RHOU: variants seen among roughly 807,000 people sequenced by gnomAD.
The protein encoded by RHOU is rho-related GTP-binding protein RhoU.
A neutral mutation model predicts 12.6 loss-of-function variants in RHOU; 8 were observed. The ratio of observed to expected loss-of-function variants is 0.64; its 90% confidence interval spans 0.37 to 1.15. The LOEUF is 1.15. RHOU is among the 50% of genes most tolerant of loss of function. The pLI, the probability that RHOU is intolerant of heterozygous loss-of-function variation, is 0.01. For missense variants in RHOU, 258 were observed against 347.0 expected (o/e 0.74, Z 2.04); for synonymous variants, 161 against 147.4 (o/e 1.09, Z -0.67).
chr1:228,678,174 T>C, the RHOU span, among the ~76,000 whole-genome samples: 325 of 152,214 alleles, frequency 2.1e-3, 3 homozygotes, highest in Non-Finnish European at 5.9e-4. Context: ...TCCTTAAGGA[T>C]AGATTTCCAT....
the RHOU span, among the ~76,000 whole-genome samples, chr1:228,674,733 A>AT: frequency 3.8e-4 from 56 of 148,250 alleles, no homozygotes; most frequent in South Asian, 1.5e-3. Flanking sequence ...TTTTTTTTAA[A>AT]TTTTTTTTTA....
the RHOU span, among the ~76,000 whole-genome samples, chr1:228,683,217 A>G: frequency 6.6e-6 from 1 of 152,192 alleles, no homozygotes; most frequent in Admixed American, 6.5e-5. Context: ...TGACCTAATC[A>G]TGGTTTGAAG....
chr1:228,693,097 G>C, the RHOU span, among the ~76,000 whole-genome samples: 1 of 151,938 alleles, frequency 6.6e-6, no homozygotes, highest in Admixed American at 6.6e-5. Context: ...TATTCTCTTC[G>C]GTAATAATCC....
At chr1:228,707,980 A>C in the RHOU span, among the ~76,000 whole-genome samples, 1 of 152,224 alleles carries the variant, frequency 6.6e-6, no homozygotes, top group Non-Finnish European at 1.5e-5. Context: ...GATGGAGCTG[A>C]AAACCAAGGC....
chr1:228,684,483 C>G, the RHOU span, among the ~76,000 whole-genome samples: 2 of 149,996 alleles, frequency 1.3e-5, no homozygotes, highest in Non-Finnish European at 2.9e-5. Context: ...CGTGCACCAC[C>G]ATGCCCGGCT....
chr1:228,685,714 A>C, the RHOU span, among the ~76,000 whole-genome samples: 1 of 152,190 alleles, frequency 6.6e-6, no homozygotes, highest in Non-Finnish European at 1.5e-5. Context: ...ATATAGGTTA[A>C]ATGTATTTCT....
At chr1:228,726,763 G>T in the RHOU span, among the ~76,000 whole-genome samples, 1 of 152,142 alleles carries the variant, frequency 6.6e-6, no homozygotes, top group Non-Finnish European at 1.5e-5. Flanking sequence ...ATAAAATTGG[G>T]GAAATAATAG....
At chr1:228,647,632 G>C in the RHOU span, among the ~76,000 whole-genome samples, 1 of 152,212 alleles carries the variant, frequency 6.6e-6, no homozygotes, top group Non-Finnish European at 1.5e-5. Flanking sequence ...TTGCCTGGTG[G>C]ATCCGGGAGC....
Position 228,737,464 on chromosome 1 carries a change from G to A in RHOU, c.263-209G>A, listed in dbSNP as rs1458698274. ...TTCAGGGATTTGCTGCCTGGTTCAC[G>A]GTAATGGAGTGACTTGCCAGCCGTG... On this transcript the variant is annotated intron_variant, in intron 1 of 2. Transcript: ENST00000366691. This position sits in a 1 kb window ranked among gnomAD's most constrained non-coding sequence, Gnocchi z 4.1. Among the ~76,000 whole-genome samples the A allele has an allele frequency of 3.3e-5, 5 of 152,150 alleles. No homozygotes were observed. Among genetic ancestry groups the A allele is most frequent in the Admixed American group, 6.5e-5 (1 of 15,276 alleles).
the RHOU span, among the ~76,000 whole-genome samples, chr1:228,706,402 G>C: frequency 6.6e-6 from 1 of 152,226 alleles, no homozygotes; most frequent in Non-Finnish European, 1.5e-5. Flanking sequence ...TTTATGGACA[G>C]AAAAAGGAAA....
upstream of RHOU, among the ~76,000 whole-genome samples, chr1:228,731,435 GGTGTGGGACA>G (rs1662493965): frequency 6.6e-6 from 1 of 152,184 alleles, no homozygotes; most frequent in Non-Finnish European, 1.5e-5. Flanking sequence ...CAAATGAGTG[GGTGTGGGACA>G]GTTCAACATA....
chr1:228,732,611 G>A (rs569363420), upstream of RHOU, among the ~76,000 whole-genome samples: 1 of 152,124 alleles, frequency 6.6e-6, no homozygotes, highest in Non-Finnish European at 1.5e-5. Context: ...GCAAACATTA[G>A]TTCCCGGCAT....
the RHOU span, among the ~76,000 whole-genome samples, chr1:228,655,451 A>G: frequency 6.6e-6 from 1 of 152,170 alleles, no homozygotes; most frequent in African/African-American, 2.4e-5. Flanking sequence ...CCATGGCTTA[A>G]CAAATTTATG....
intron 2 of RHOU, among the ~76,000 whole-genome samples, chr1:228,739,534 G>T (rs2102717092): frequency 6.6e-6 from 1 of 152,318 alleles, no homozygotes; most frequent in East Asian, 1.9e-4. Context: ...CTGCCCTGCA[G>T]CCTGGTTGAC....
At chr1:228,736,108 C>T in intron 1 of RHOU, 104 bp downstream of exon 1, 2 of 1,181,204 alleles carry the variant, frequency 1.7e-6, no homozygotes, top group Non-Finnish European at 2.3e-6. Flanking sequence ...GCTGCAGGGC[C>T]CCGGGCGCGG....
At chr1:228,705,225 G>C in the RHOU span, among the ~76,000 whole-genome samples, 78 of 152,160 alleles carry the variant, frequency 5.1e-4, no homozygotes, top group African/African-American at 1.6e-3. Context: ...TGCACTTTGT[G>C]TGTGTGTGAA....
At chr1:228,740,652 ACCT>A in intron 2 of RHOU, among the ~76,000 whole-genome samples, 1 of 152,278 alleles carries the variant, frequency 6.6e-6, no homozygotes, top group Admixed American at 6.5e-5. Context: ...AGGAACACAT[ACCT>A]CTTCTAGGCA....
chr1:228,684,492 C>G, the RHOU span, among the ~76,000 whole-genome samples: 5 of 150,220 alleles, frequency 3.3e-5, no homozygotes, highest in Non-Finnish European at 5.9e-5. Context: ...CCATGCCCGG[C>G]TAATTTTTGT....
At chr1:228,685,031 A>G in the RHOU span, among the ~76,000 whole-genome samples, 1 of 152,182 alleles carries the variant, frequency 6.6e-6, no homozygotes, top group African/African-American at 2.4e-5. Flanking sequence ...TGATATTCTA[A>G]ACAACGGGTG....
Sources: gnomAD v4.1 joint callset for allele counts (sites outside exome capture counted in the v4.1 genomes callset) on GRCh38, gnomAD v4.1.1 for gene constraint, Gnocchi (gnomAD v3.1) non-coding constraint, MANE v1.5 for transcripts, NCBI Gene and HGNC (gene_info 2026-07-23, HGNC 2026-07-21) for gene names.